Variants in SLIRP observed in about 807,000 individuals in gnomAD.
SLIRP encodes the protein SRA stem-loop-interacting RNA-binding protein, mitochondrial.
In SLIRP, 12 loss-of-function variants were observed where a neutral mutation model predicts 13.4. The observed-to-expected ratio is 0.89, with a 90% CI of 0.57 to 1.45. The LOEUF is 1.45. SLIRP is among the 40% of genes most tolerant of loss of function. SLIRP has a pLI of 0.00. For synonymous variants in SLIRP, 55 were observed against 47.1 expected (o/e 1.17, Z -0.69); for missense variants, 154 against 132.2 (o/e 1.17, Z -0.81).
chr14:77,710,505 A>G lies in SLIRP; in HGVS notation c.98-333A>G, dbSNP rs939744622. 8.0e-6 allele frequency: 9 copies of G among 1,118,508 alleles called. No homozygotes were observed. The African/African-American group carries it at 1.4e-4, about 18-fold the overall frequency. The allele number at this position is 1,118,508 out of a possible 1,614,324, so 69.3% of individuals were successfully genotyped here. ...TTTGGAAATCTTCAGTATACCGGGA[A>G]ACACACTGGATTGTAATTTGTCTTT... On this transcript the variant is annotated intron_variant, in intron 1 of 3. Transcript: ENST00000557342.
intron 2 of SLIRP, among the ~76,000 whole-genome samples, chr14:77,712,969 C>T (rs1486402413): frequency 6.8e-6 from 1 of 146,280 alleles, no homozygotes; most frequent in East Asian, 2.0e-4. Context: ...AGTGACATCC[C>T]ATTACTTTCG....
chr14:77,712,467 C>T (rs1186846327), intron 2 of SLIRP, among the ~76,000 whole-genome samples: 5 of 101,338 alleles, frequency 4.9e-5, no homozygotes, highest in Non-Finnish European at 7.5e-5. Context: ...TTTTTTGAGA[C>T]GGAGTCTCAC....
At chr14:77,708,560 T>C (rs2080414594) in intron 1 of SLIRP, among the ~76,000 whole-genome samples, 2 of 152,216 alleles carry the variant, frequency 1.3e-5, no homozygotes, top group Non-Finnish European at 2.9e-5. Flanking sequence ...GGCAATTTCA[T>C]TAATTTACTT....
At chr14:77,713,346 TC>T (rs2080454901) in intron 2 of SLIRP, among the ~76,000 whole-genome samples, 1 of 152,150 alleles carries the variant, frequency 6.6e-6, no homozygotes, top group Admixed American at 6.5e-5. Flanking sequence ...CACACACACT[TC>T]ACTGAAACCC....
rs1481735777 is a variant in SLIRP at position 77,717,470 on chromosome 14, T to G, written c.265-26T>G. On this transcript the variant is annotated intron_variant, in intron 3 of 3. Coordinates refer to ENST00000557342, the MANE Select transcript of SLIRP (RefSeq NM_031210.6). Reference sequence around the variant, plus strand: ...ATGTTTTTGCAGACATTGCCTTTCCTCCCTTACAGTGCTTATTTTTTTAAG... The same window carrying G: ...ATGTTTTTGCAGACATTGCCTTTCCGCCCTTACAGTGCTTATTTTTTTAAG... The G allele has an allele frequency of 4.4e-6, 7 of 1,601,892 alleles. 1 individual carries two copies. Among genetic ancestry groups the G allele is most frequent in the Non-Finnish European group, 6.0e-6 (7 of 1,173,958 alleles).
rs552208869 is a variant in SLIRP at position 77,708,380 on chromosome 14, C to T, written c.97+172C>T. 2.6e-5 allele frequency among the ~76,000 whole-genome samples: 4 copies of T among 152,258 alleles called. 1 individual carries two copies. Among genetic ancestry groups the T allele is most frequent in the South Asian group, 4.1e-4 (2 of 4,826 alleles). ...TTGCAGTTAACCGTTTAGGGATGTC[C>T]CTTGAGCTTTTGGGGTCACGAATGC... On this transcript the variant is annotated intron_variant, in intron 1 of 3. Transcript: ENST00000557342.
At chr14:77,708,602 A>T (rs567013668) in intron 1 of SLIRP, among the ~76,000 whole-genome samples, 1 of 152,384 alleles carries the variant, frequency 6.6e-6, no homozygotes, top group South Asian at 2.1e-4. Flanking sequence ...GGGCGATGGT[A>T]GAAGGATGGT....
chr14:77,711,557 A>G (rs1303761920), intron 2 of SLIRP, among the ~76,000 whole-genome samples: 1 of 150,138 alleles, frequency 6.7e-6, no homozygotes, highest in Non-Finnish European at 1.5e-5. Context: ...AATTTTTTTA[A>G]TTTTCATTTT....
intron 1 of SLIRP, 71 bp downstream of exon 1, chr14:77,708,279 A>G (rs1315822636): frequency 6.8e-7 from 1 of 1,474,468 alleles, no homozygotes; most frequent in Non-Finnish European, 9.5e-7. Flanking sequence ...TGCTTTTTGC[A>G]GGGTACTTAA....
intron 1 of SLIRP, chr14:77,710,553 A>C (rs981414595): frequency 2.9e-5 from 41 of 1,431,894 alleles, no homozygotes; most frequent in Admixed American, 1.5e-4. Context: ...ATCTGCTCAC[A>C]GGGATCATAG....
At chr14:77,708,310 A>G (rs184152794) in intron 1 of SLIRP, 102 bp downstream of exon 1, 2 of 1,160,940 alleles carry the variant, frequency 1.7e-6, no homozygotes, top group Admixed American at 2.0e-5. Flanking sequence ...TGGCTGAATT[A>G]GGAGACTGCT....
Position 77,715,761 on chromosome 14 carries a change from T to A in SLIRP, c.157-11T>A. On this transcript the variant is annotated splice_polypyrimidine_tract_variant and intron_variant, in intron 2 of 3. Coordinates refer to ENST00000557342, the MANE Select transcript of SLIRP (RefSeq NM_031210.6). ...TCATGATTAATCTTTTCCTATATTT[T>A]GAATTTTTAGGACAAGGAGACTGGC... is the stretch of plus-strand genomic sequence containing the variant. 1 of 1,602,956 alleles carries A rather than the reference T, an allele frequency of 6.2e-7. No homozygotes were observed. Among genetic ancestry groups the A allele is most frequent in the East Asian group, 2.2e-5 (1 of 44,790 alleles).
intron 2 of SLIRP, among the ~76,000 whole-genome samples, chr14:77,712,842 C>T (rs79159906): frequency 0.065 from 9,834 of 152,236 alleles, 386 homozygotes; most frequent in African/African-American, 0.095. Flanking sequence ...CCTGCAGTTC[C>T]TTGTTACCTA....
Position 77,717,484 on chromosome 14 carries a change from T to A in SLIRP, c.265-12T>A, listed in dbSNP as rs773728355. ...ATTGCCTTTCCTCCCTTACAGTGCT[T>A]ATTTTTTTAAGGTCCAGGTTCACAC... On this transcript the variant is annotated splice_polypyrimidine_tract_variant and intron_variant, in intron 3 of 3. Transcript: ENST00000557342. 13 of 1,611,414 alleles carry A rather than the reference T, an allele frequency of 8.1e-6. No homozygotes were observed. The highest frequency in any genetic ancestry group is 7.6e-6 in the Non-Finnish European group (9 of 1,179,070).
At chr14:77,711,470 A>G (rs1462878001) in intron 2 of SLIRP, among the ~76,000 whole-genome samples, 1 of 152,020 alleles carries the variant, frequency 6.6e-6, no homozygotes, top group East Asian at 1.9e-4. Context: ...GACTATAGAC[A>G]TGTGCCACCA....
rs562811398 is a variant in SLIRP, at chr14:77,715,255, A to C, written c.157-517A>C. On this transcript the variant is annotated intron_variant, in intron 2 of 3. Transcript: ENST00000557342. ...CATGACCCGTATCTTCTCTAATGGC[A>C]GCAAGGAAAACAGGAAGCTTAACAA... is the stretch of plus-strand genomic sequence containing the variant. Among the ~76,000 whole-genome samples, 6 of 152,272 alleles carry C rather than the reference A, an allele frequency of 3.9e-5. No individual in the cohort carries two copies. In the South Asian group the frequency reaches 8.3e-4, roughly 21 times the overall value.
chr14:77,715,448 G>A (rs1318434306), intron 2 of SLIRP, among the ~76,000 whole-genome samples: 1 of 151,364 alleles, frequency 6.6e-6, no homozygotes, highest in African/African-American at 2.4e-5. Flanking sequence ...GTTTGAGACC[G>A]GCCTGGGTAA....
Position 77,712,440 on chromosome 14 carries a change from A to AT in SLIRP, c.156+1566dup, listed in dbSNP as rs55773743. Among the ~76,000 whole-genome samples, 40 of 87,154 alleles carry AT rather than the reference A, an allele frequency of 4.6e-4. 2 individuals carry two copies. The highest frequency in any genetic ancestry group is 2.1e-3 in the East Asian group (7 of 3,320). The allele number at this position is 87,154 out of a possible 152,430, so 57.2% of individuals were successfully genotyped here. On this transcript the variant is annotated intron_variant, in intron 2 of 3. Coordinates refer to ENST00000557342, the MANE Select transcript of SLIRP (RefSeq NM_031210.6). Reference sequence around the variant, plus strand: ...AGGCATGCGCCACCACGACCGGCTAATTTTTTTTTTTTTTTTTTTTTTGAG... The same window carrying AT: ...AGGCATGCGCCACCACGACCGGCTAATTTTTTTTTTTTTTTTTTTTTTTGAG...
In SLIRP at chr14:77,708,141, GGC is replaced by G; in HGVS notation, c.33_34del (p.Leu12AlafsTer2). Reference sequence around the variant, plus strand: ...CGGCCTCAGCAGCGAGAGGTGCTGCGGCGCTGCGTAGAAGTATCAATCAGCCG... The same window carrying G: ...CGGCCTCAGCAGCGAGAGGTGCTGCGGCTGCGTAGAAGTATCAATCAGCCG... MAASAARGAA[A>X]LRRSINQPVA... On this transcript the variant is annotated frameshift_variant, in exon 1 of 4. Coordinates refer to ENST00000557342, the MANE Select transcript of SLIRP (RefSeq NM_031210.6). LOFTEE classifies it high-confidence loss of function. The G allele has an allele frequency of 1.9e-6, 3 of 1,614,034 alleles. No individual in the cohort carries two copies. The highest frequency in any genetic ancestry group is 2.2e-5 in the South Asian group (2 of 91,082).
Sources: allele counts gnomAD v4.1 joint callset (sites outside exome capture counted in the v4.1 genomes callset), GRCh38; gene constraint gnomAD v4.1.1; transcripts MANE v1.5; gene names NCBI Gene and HGNC (gene_info 2026-07-23, HGNC 2026-07-21).